PLS3: variants seen among roughly 807,000 people sequenced by gnomAD.
PLS3 encodes the protein plastin-3.
In PLS3, 11 loss-of-function variants were observed where a neutral mutation model predicts 46.5. That is an observed-to-expected ratio of 0.24 (90% CI 0.15 to 0.39). The LOEUF is 0.39. Among genes scored for constraint, PLS3 ranks in the 10% least tolerant of loss-of-function variants. The pLI is 1.00. For missense variants in PLS3, 308 were observed against 461.8 expected (o/e 0.67, Z 3.05); for synonymous variants, 167 against 162.2 (o/e 1.03, Z -0.22).
chrX:115,619,314 A>G (rs1298320290), intron 2 of PLS3, among the ~76,000 whole-genome samples: 1 of 112,370 alleles, frequency 8.9e-6, no homozygotes, highest in Non-Finnish European at 1.9e-5. Flanking sequence ...CTCTTCAAGC[A>G]TGTATGCTGT....
chrX:115,580,673 G>A (rs1025629221), intron 1 of PLS3, among the ~76,000 whole-genome samples: 19 of 111,564 alleles, frequency 1.7e-4, no homozygotes, highest in African/African-American at 6.2e-4. Context: ...AAAGAAGCTT[G>A]TCTATAACTA....
intron 13 of PLS3, 125 bp downstream of exon 13, chrX:115,646,660 C>T (rs2074954953): frequency 3.5e-6 from 2 of 571,612 alleles, no homozygotes; most frequent in Admixed American, 4.0e-5. Context: ...ATTTACACTC[C>T]GAAATGAGTT....
In PLS3 at chrX:115,610,294, A is replaced by G; in HGVS notation, c.44A>G (p.Asp15Gly). The G allele has an allele frequency of 8.5e-7, 1 of 1,171,401 alleles. No individual in the cohort carries two copies. Among genetic ancestry groups the G allele is most frequent in the Non-Finnish European group, 1.2e-6 (1 of 866,748 alleles). The change falls in exon 2 of 16, where the codon GAT becomes GGT. Residue 15 changes from aspartate (D) to glycine (G), a missense_variant. Asp to Gly is a moderately conservative substitution (Grantham distance 94). Coordinates refer to ENST00000355899, the MANE Select transcript of PLS3 (RefSeq NM_005032.7). The part of the protein sequence containing the change: ...ATTQISKDEL[D>G]ELKEAFAKVD... The stretch of plus-strand genomic sequence containing the variant: ...ACTCAGATTTCCAAAGATGAGCTTG[A>G]TGAACTCAAAGAGGCCTTTGCAAAA...
intron 1 of PLS3, among the ~76,000 whole-genome samples, chrX:115,606,165 CTTTTTTTTT>C (rs782575149): frequency 1.2e-3 from 35 of 30,286 alleles, no homozygotes; most frequent in African/African-American, 5.4e-3. Context: ...CTTTTCTTTT[CTTTTTTTTT>C]TTTTTTTTTT....
chrX:115,567,709 C>CTTTTTTTTTTTTTTT (rs782653479), intron 1 of PLS3, among the ~76,000 whole-genome samples: 1 of 81,949 alleles, frequency 1.2e-5, no homozygotes, highest in Non-Finnish European at 2.3e-5. Context: ...TTTTCTTCTT[C>CTTTTTTTTTTTTTTT]TTTTTTTTTT....
chrX:115,569,792 G>A (rs1221993444), intron 1 of PLS3, among the ~76,000 whole-genome samples: 2 of 111,564 alleles, frequency 1.8e-5, no homozygotes, highest in Admixed American at 9.6e-5. Flanking sequence ...TTATGACCCA[G>A]AAGTGACTTG....
At chrX:115,646,334 G>C in intron 12 of PLS3, 68 bp from the exon 13 acceptor site, 1 of 1,070,631 alleles carries the variant, frequency 9.3e-7, no homozygotes, top group Non-Finnish European at 1.3e-6. Flanking sequence ...CATTATACAA[G>C]ACACACACAC....
chrX:115,592,115 C>T (rs143608505), intron 1 of PLS3, among the ~76,000 whole-genome samples: 2 of 111,740 alleles, frequency 1.8e-5, no homozygotes, highest in Non-Finnish European at 3.8e-5. Context: ...TGAGTCACCT[C>T]CTTATGCTGA....
intron 2 of PLS3, among the ~76,000 whole-genome samples, chrX:115,619,233 A>C (rs1011338518): frequency 8.9e-6 from 1 of 112,283 alleles, no homozygotes; most frequent in African/African-American, 3.2e-5. Flanking sequence ...CTAGGACCTG[A>C]AGAGGTAACT....
intron 5 of PLS3, among the ~76,000 whole-genome samples, chrX:115,633,721 G>A (rs782746244): frequency 1.8e-5 from 2 of 110,807 alleles, no homozygotes; most frequent in East Asian, 2.8e-4. Flanking sequence ...TGGAACTCCT[G>A]GCCTCAAGCA....
chrX:115,622,249 T>C lies in PLS3; in HGVS notation c.77T>C (p.Leu26Pro), dbSNP rs1017191400. The C allele has an allele frequency of 2.0e-5, 24 of 1,194,174 alleles. No individual in the cohort carries two copies. The highest frequency in any genetic ancestry group is 2.4e-5 in the Non-Finnish European group (21 of 888,601). ...ELKEAFAKVD[L>P]NSNGFICDYE... Reference sequence around the variant, plus strand: ...CTTGCTCTCCTTTTTTACAAAGATCTCAACAGCAACGGATTCATTTGTGAC... The same window carrying C: ...CTTGCTCTCCTTTTTTACAAAGATCCCAACAGCAACGGATTCATTTGTGAC... The change falls in exon 3 of 16, where the codon CTC becomes CCC. Residue 26 changes from leucine (L) to proline (P), a missense_variant. By Grantham distance (98) the Leu-to-Pro change is moderately conservative (BLOSUM62 -3). Transcript: ENST00000355899.
At chrX:115,565,524 CTAAT>C (rs1285851091) in intron 1 of PLS3, among the ~76,000 whole-genome samples, 4 of 111,438 alleles carry the variant, frequency 3.6e-5, no homozygotes, top group Non-Finnish European at 7.5e-5. Flanking sequence ...ATATTAATAA[CTAAT>C]TGAGTACATA....
At chrX:115,598,342 G>C (rs1430891189) in intron 1 of PLS3, among the ~76,000 whole-genome samples, 1 of 108,032 alleles carries the variant, frequency 9.3e-6, no homozygotes, top group Non-Finnish European at 1.9e-5. Context: ...TGATAATGCT[G>C]ATGTGCTAGA....
chrX:115,595,687 CTT>C (rs35860715), intron 1 of PLS3, among the ~76,000 whole-genome samples: 1,345 of 82,844 alleles, frequency 0.016, 20 homozygotes, highest in African/African-American at 0.063. Context: ...TATTTTCTTT[CTT>C]TTTTTTTTTT....
At chrX:115,638,672 C>T (rs2074862527) in intron 8 of PLS3, among the ~76,000 whole-genome samples, 1 of 110,464 alleles carries the variant, frequency 9.1e-6, no homozygotes, top group African/African-American at 3.3e-5. Context: ...TAAATGAAGC[C>T]TGCTTTGAAT....
intron 1 of PLS3, among the ~76,000 whole-genome samples, chrX:115,597,526 G>C (rs1323791218): frequency 8.9e-6 from 1 of 112,031 alleles, no homozygotes; most frequent in Non-Finnish European, 1.9e-5. Flanking sequence ...GTCACAGATA[G>C]AGCCTTCTAA....
chrX:115,642,749 A>G (rs139435621), intron 9 of PLS3, among the ~76,000 whole-genome samples: 1,300 of 112,028 alleles, frequency 0.012, 20 homozygotes, highest in African/African-American at 0.041. Context: ...GAATGAACCC[A>G]CAATTTACAG....
At chrX:115,581,565 T>C (rs1206280301) in intron 1 of PLS3, among the ~76,000 whole-genome samples, 23 of 112,016 alleles carry the variant, frequency 2.1e-4, no homozygotes, top group Non-Finnish European at 9.4e-5. Flanking sequence ...TAATGTCACC[T>C]TGTTGGTTTT....
intron 7 of PLS3, among the ~76,000 whole-genome samples, chrX:115,636,275 T>C (rs59013086): frequency 0.21 from 21,531 of 101,442 alleles, 2,780 homozygotes; most frequent in South Asian, 0.41. Flanking sequence ...GGTGCGATCT[T>C]AGCTCACTGC....
Sources: allele counts gnomAD v4.1 joint callset (sites outside exome capture counted in the v4.1 genomes callset), GRCh38; gene constraint gnomAD v4.1.1; transcripts MANE v1.5; gene names NCBI Gene and HGNC (gene_info 2026-07-23, HGNC 2026-07-21).